CDH20: variants seen among roughly 807,000 people sequenced by gnomAD.
CDH20 encodes cadherin 20.
A neutral mutation model predicts 74.2 loss-of-function variants in CDH20; 29 were observed. The observed-to-expected ratio is 0.39, with a 90% confidence interval of 0.29 to 0.53. CDH20 has a LOEUF of 0.53. Ranked by LOEUF, CDH20 falls within the 20% of genes least tolerant of loss-of-function variation. The pLI is 0.69. For synonymous variants in CDH20, 469 were observed against 405.4 expected (o/e 1.16, Z -1.88); for missense variants, 988 against 1,048.3 (o/e 0.94, Z 0.79).
chr18:61,335,983 C>G (rs965076233), intron 1 of CDH20, among the ~76,000 whole-genome samples: 4 of 152,142 alleles, frequency 2.6e-5, no homozygotes, highest in African/African-American at 9.7e-5. Flanking sequence ...CTGAAACGCC[C>G]CCTTCTACCT....
At chr18:61,338,640 AT>A (rs1212412910) in intron 1 of CDH20, among the ~76,000 whole-genome samples, 18 of 152,172 alleles carry the variant, frequency 1.2e-4, no homozygotes, top group African/African-American at 4.3e-4. Context: ...AAAACATAAA[AT>A]TTTAACAATA....
At chr18:61,431,782 C>CTTTTTGTAT (rs1913264663) in intron 1 of CDH20, among the ~76,000 whole-genome samples, 1 of 152,228 alleles carries the variant, frequency 6.6e-6, no homozygotes, top group South Asian at 2.1e-4. Flanking sequence ...TTTGGTGTTG[C>CTTTTTGTAT]TTTTTGTATC....
chr18:61,424,957 A>G (rs1324529935), intron 1 of CDH20, among the ~76,000 whole-genome samples: 1 of 152,048 alleles, frequency 6.6e-6, no homozygotes, highest in Non-Finnish European at 1.5e-5. Context: ...TTGAGCTTCT[A>G]AAATGTCTCT....
intron 1 of CDH20, among the ~76,000 whole-genome samples, chr18:61,362,764 CTATGACATAGTAGACTTAG>C (rs1308037700): frequency 1.3e-5 from 2 of 152,068 alleles, no homozygotes; most frequent in African/African-American, 4.8e-5. Flanking sequence ...TGACTAACTA[CTATGACATAGTAGACTTAG>C]TATGACATAG....
Position 61,554,361 on chromosome 18 carries a change from C to G in CDH20, c.2072C>G (p.Ala691Gly), listed in dbSNP as rs1373942894. The G allele has an allele frequency of 6.2e-7, 1 of 1,613,012 alleles. No individual in the cohort carries two copies. The highest frequency in any genetic ancestry group is 1.7e-5 in the Admixed American group (1 of 59,996). ...ATGTGGAACCCCCGGGAGGCGCAGG[C>G]GGGGGCCGCCCCCAAGACGCGGCAG... ...AAMWNPREAQ[A>G]GAAPKTRQDM... The change falls in exon 12 of 12, where the codon GCG (alanine) becomes GGG (glycine). Residue 691 changes from alanine (A) to glycine (G), a missense_variant. This residue lies in a region of CDH20 where 375 missense variants were observed against 293.1 expected (regional missense o/e 1.28). Transcript: ENST00000262717.
chr18:61,520,962 G>C (rs1293380027), intron 6 of CDH20, among the ~76,000 whole-genome samples: 1 of 151,176 alleles, frequency 6.6e-6, no homozygotes, highest in Non-Finnish European at 1.5e-5. Context: ...ATGCCCACAG[G>C]AGAAAGTGGG....
At chr18:61,522,960 C>T (rs1024751996) in intron 6 of CDH20, among the ~76,000 whole-genome samples, 7 of 152,228 alleles carry the variant, frequency 4.6e-5, no homozygotes, top group Non-Finnish European at 8.8e-5. Context: ...ACCATAAAAA[C>T]CCTAGAAGAA....
At chr18:61,338,398 G>T (rs576751985) in intron 1 of CDH20, among the ~76,000 whole-genome samples, 1 of 152,096 alleles carries the variant, frequency 6.6e-6, no homozygotes, top group Non-Finnish European at 1.5e-5. Flanking sequence ...AGTTAAGAAT[G>T]TTCCTAATTA....
At chr18:61,412,135 CAA>C (rs1185185909) in intron 1 of CDH20, among the ~76,000 whole-genome samples, 1 of 150,196 alleles carries the variant, frequency 6.7e-6, no homozygotes, top group Non-Finnish European at 1.5e-5. Context: ...GCATAGAAAA[CAA>C]AGAGTTAAAA....
chr18:61,525,964 ATTTTTTTTTTT>A (rs1006282537), intron 6 of CDH20, among the ~76,000 whole-genome samples: 41 of 84,366 alleles, frequency 4.9e-4, no homozygotes, highest in Admixed American at 8.7e-4. Flanking sequence ...CACCCAGCTA[ATTTTTTTTTTT>A]TTTTTTTTTT....
At chr18:61,526,694 GA>G (rs529531633) in intron 6 of CDH20, among the ~76,000 whole-genome samples, 27 of 148,518 alleles carry the variant, frequency 1.8e-4, no homozygotes, top group African/African-American at 4.7e-4. Context: ...TATTTATTTT[GA>G]AAAAAAAAAT....
At chr18:61,443,068 G>C (rs1319593911) in intron 1 of CDH20, among the ~76,000 whole-genome samples, 2 of 152,290 alleles carry the variant, frequency 1.3e-5, no homozygotes, top group Admixed American at 1.3e-4. Context: ...GGGTGGGAGA[G>C]AAGACCTCAT....
intron 1 of CDH20, among the ~76,000 whole-genome samples, chr18:61,426,780 G>A (rs149157023): frequency 6.6e-6 from 1 of 152,326 alleles, no homozygotes; most frequent in Non-Finnish European, 1.5e-5. Context: ...CATCTTTGCT[G>A]CAGTGCTCCT....
intron 1 of CDH20, among the ~76,000 whole-genome samples, chr18:61,399,215 A>G (rs915977696): frequency 6.6e-6 from 1 of 151,578 alleles, no homozygotes; most frequent in South Asian, 2.1e-4. Flanking sequence ...AGTGGGGTTC[A>G]TAGAACACCA....
intron 7 of CDH20, among the ~76,000 whole-genome samples, chr18:61,529,546 A>T (rs1260807493): frequency 6.6e-6 from 1 of 152,240 alleles, no homozygotes; most frequent in Non-Finnish European, 1.5e-5. Flanking sequence ...TTGTATTTCA[A>T]CCTGAAGCTT....
chr18:61,433,324 G>A (rs1013494534), intron 1 of CDH20, among the ~76,000 whole-genome samples: 2 of 152,098 alleles, frequency 1.3e-5, no homozygotes, highest in Non-Finnish European at 2.9e-5. Context: ...ACAAAATATA[G>A]AACTGTTTGT....
At chr18:61,527,577 T>C (rs1912472429) in intron 6 of CDH20, among the ~76,000 whole-genome samples, 1 of 152,136 alleles carries the variant, frequency 6.6e-6, no homozygotes, top group African/African-American at 2.4e-5. Flanking sequence ...AAACTTTTGA[T>C]TTTAGAACTG....
intron 6 of CDH20, among the ~76,000 whole-genome samples, chr18:61,509,931 A>G (rs1322032910): frequency 1.3e-5 from 2 of 152,198 alleles, no homozygotes; most frequent in African/African-American, 4.8e-5. Flanking sequence ...CCAAGCAACA[A>G]GAATGGAATT....
chr18:61,339,701 T>TTTTTTTTTTTC (rs58434671), intron 1 of CDH20, among the ~76,000 whole-genome samples: 19 of 122,940 alleles, frequency 1.5e-4, no homozygotes, highest in South Asian at 5.7e-4. Context: ...TTTTTTTTTT[T>TTTTTTTTTTTC]TTTTGAGATG....
Sources: allele counts gnomAD v4.1 joint callset (sites outside exome capture counted in the v4.1 genomes callset), GRCh38; gene constraint gnomAD v4.1.1; regional missense constraint gnomAD v4.1.1; transcripts MANE v1.5; gene names NCBI Gene and HGNC (gene_info 2026-07-23, HGNC 2026-07-21).